Variants in EVA1C observed in about 807,000 individuals in gnomAD.
EVA1C encodes eva-1 homolog C, also known as protein eva-1 homolog C.
EVA1C carries 25 observed loss-of-function variants against 45.4 expected under a neutral mutation model. That is an observed-to-expected ratio of 0.55 (90% CI 0.40 to 0.77). EVA1C has a LOEUF of 0.77. Ranked by LOEUF, EVA1C falls within the 30% of genes least tolerant of loss-of-function variation. EVA1C has a pLI of 0.00. For synonymous variants in EVA1C, 190 were observed against 221.2 expected, an observed-to-expected ratio of 0.86 and a Z score of 1.25; for missense variants, 479 against 554.8, an observed-to-expected ratio of 0.86 and a Z score of 1.37.
At chr21:32,418,817 A>G (rs2034153043) in intron 1 of EVA1C, among the ~76,000 whole-genome samples, 1 of 152,134 alleles carries the variant, frequency 6.6e-6, no homozygotes, top group African/African-American at 2.4e-5. Flanking sequence ...CATTGCTGCC[A>G]TTTTGGTTAC....
In EVA1C at chr21:32,441,336, G is replaced by A. The variant is rs573781257; in HGVS notation, c.161-11976G>A. 1.5e-4 allele frequency among the ~76,000 whole-genome samples: 23 copies of A among 152,190 alleles called. No homozygotes were observed. In the South Asian group the frequency reaches 4.6e-3, roughly 30 times the overall value. On this transcript the variant is annotated intron_variant, in intron 1 of 7. Coordinates refer to ENST00000300255, the MANE Select transcript of EVA1C (RefSeq NM_058187.5). ...AGGTCTGACTGATGAGGCCACATTG[G>A]TACAAGAGGCTGAATGAAGGGAGGA...
At chr21:32,413,342 C>T (rs891244542) in intron 1 of EVA1C, among the ~76,000 whole-genome samples, 7 of 152,262 alleles carry the variant, frequency 4.6e-5, no homozygotes, top group African/African-American at 1.7e-4. Context: ...CTGTGCCGCG[C>T]CCAGCGCTGT....
intron 7 of EVA1C, among the ~76,000 whole-genome samples, chr21:32,509,971 T>A (rs2037892641): frequency 6.6e-6 from 1 of 150,992 alleles, no homozygotes. Context: ...AAGGGCCAGG[T>A]CATAGCCGGC....
chr21:32,504,240 A>AT (rs1314249515), intron 7 of EVA1C, among the ~76,000 whole-genome samples: 4 of 152,218 alleles, frequency 2.6e-5, no homozygotes, highest in African/African-American at 9.6e-5. Context: ...AAGTCACACT[A>AT]TTTAGGAGTT....
chr21:32,487,117 G>A (rs182258248), intron 4 of EVA1C, among the ~76,000 whole-genome samples: 5 of 152,288 alleles, frequency 3.3e-5, no homozygotes, highest in Admixed American at 2.0e-4. Flanking sequence ...TGAAAGGAAC[G>A]TCTTTTGTTA....
chr21:32,463,598 G>T (rs761357569), intron 3 of EVA1C, among the ~76,000 whole-genome samples: 1 of 152,124 alleles, frequency 6.6e-6, no homozygotes, highest in Non-Finnish European at 1.5e-5. Flanking sequence ...GGACGAAATC[G>T]CTGGAGGCCT....
chr21:32,462,496 G>A (rs970017600), intron 3 of EVA1C, among the ~76,000 whole-genome samples: 8 of 152,278 alleles, frequency 5.3e-5, no homozygotes, highest in South Asian at 2.1e-4. Context: ...TACTCCCATC[G>A]CGGCAGATCC....
chr21:32,412,573 G>A, upstream of EVA1C: 2 of 347,570 alleles, frequency 5.8e-6, no homozygotes, highest in East Asian at 9.1e-5. Flanking sequence ...GGCCCCCCTC[G>A]CTTCCTCCGG....
Position 32,491,403 on chromosome 21 carries a change from A to G in EVA1C, c.635-3624A>G, listed in dbSNP as rs569895102. 9.2e-5 allele frequency among the ~76,000 whole-genome samples: 14 copies of G among 152,024 alleles called. No homozygotes were observed. The South Asian group carries it at 2.1e-3, about 23-fold the overall frequency. On this transcript the variant is annotated intron_variant, in intron 4 of 7. Transcript: ENST00000300255. ...GAAGTGATGAGATTAGAAGGGGCAC[A>G]GTGGGCCGGGCACGGTGGCTCACGC... is the stretch of plus-strand genomic sequence containing the variant.
intron 5 of EVA1C, among the ~76,000 whole-genome samples, chr21:32,500,062 AG>A (rs1416962520): frequency 2.6e-5 from 4 of 152,140 alleles, no homozygotes; most frequent in Non-Finnish European, 5.9e-5. Flanking sequence ...GGAAACACAG[AG>A]GCAAAGAGCT....
chr21:32,412,748 G>GGCGGCAA lies in EVA1C; in HGVS notation c.-106_-105insGCGGCAA. On this transcript the variant is annotated 5_prime_UTR_variant, in exon 1 of 8. Coordinates refer to ENST00000300255, the MANE Select transcript of EVA1C (RefSeq NM_058187.5). ...CTGGGCAGGGAGGCGGCGGGGGGCC[G>GGCGGCAA]CGGAGCCGCTGGCCATCGATTCTCC... The GGCGGCAA allele has an allele frequency of 8.5e-7, 1 of 1,169,806 alleles. No homozygotes were observed. Among genetic ancestry groups the GGCGGCAA allele is most frequent in the Non-Finnish European group, 1.1e-6 (1 of 906,380 alleles). The allele number at this position is 1,169,806 out of a possible 1,614,324, so 72.5% of individuals were successfully genotyped here. A position where few individuals can be genotyped will look rare whatever the true frequency, so the allele number is the denominator to read the frequency against.
At chr21:32,462,993 G>A (rs1282363986) in intron 3 of EVA1C, among the ~76,000 whole-genome samples, 3 of 152,218 alleles carry the variant, frequency 2.0e-5, no homozygotes, top group Non-Finnish European at 2.9e-5. Context: ...ATTTCTGTGT[G>A]TGTGTCTTTA....
At chr21:32,507,551 T>TGTGC (rs2037769176) in intron 7 of EVA1C, among the ~76,000 whole-genome samples, 1 of 105,232 alleles carries the variant, frequency 9.5e-6, no homozygotes, top group South Asian at 3.0e-4. Flanking sequence ...CGTCTGTATG[T>TGTGC]ATGCGTGTTT....
At chr21:32,458,269 T>C (rs922918477) in intron 3 of EVA1C, among the ~76,000 whole-genome samples, 23 of 152,158 alleles carry the variant, frequency 1.5e-4, no homozygotes. Context: ...TTCTGATTCT[T>C]GTTGTTTTCT....
chr21:32,415,037 C>T (rs542617884), intron 1 of EVA1C, among the ~76,000 whole-genome samples: 7 of 152,164 alleles, frequency 4.6e-5, no homozygotes, highest in Admixed American at 2.0e-4. Flanking sequence ...GGATTTTAGC[C>T]GCCCTCCCTC....
At chr21:32,446,950 G>A (rs551124094) in intron 1 of EVA1C, among the ~76,000 whole-genome samples, 11 of 152,068 alleles carry the variant, frequency 7.2e-5, no homozygotes, top group Non-Finnish European at 1.5e-4. Flanking sequence ...GACCTTGCTG[G>A]TCCTCATTAG....
chr21:32,441,465 G>A (rs2035170448), intron 1 of EVA1C, among the ~76,000 whole-genome samples: 1 of 151,560 alleles, frequency 6.6e-6, no homozygotes, highest in East Asian at 2.0e-4. Context: ...GAAACAAGAA[G>A]GCACCGTGGC....
Position 32,412,743 on chromosome 21 carries a change from G to A in EVA1C, c.-111G>A, listed in dbSNP as rs1427969432. ...GCAGCCTGGGCAGGGAGGCGGCGGGGGGCCGCGGAGCCGCTGGCCATCGAT... is the reference window on the plus strand; with the variant it reads ...GCAGCCTGGGCAGGGAGGCGGCGGGAGGCCGCGGAGCCGCTGGCCATCGAT... On this transcript the variant is annotated 5_prime_UTR_variant, in exon 1 of 8. Coordinates refer to ENST00000300255, the MANE Select transcript of EVA1C (RefSeq NM_058187.5). 1 of 1,139,706 alleles carries A rather than the reference G, an allele frequency of 8.8e-7. No individual in the cohort carries two copies. The highest frequency in any genetic ancestry group is 1.1e-6 in the Non-Finnish European group (1 of 879,258). 70.6% of individuals were successfully genotyped at this position (1,139,706 alleles called of 1,614,324 possible).
At chr21:32,427,990 T>G (rs1185896371) in intron 1 of EVA1C, among the ~76,000 whole-genome samples, 1 of 152,026 alleles carries the variant, frequency 6.6e-6, no homozygotes, top group Non-Finnish European at 1.5e-5. Context: ...TTATGTAGAG[T>G]GCACAGTTTG....
Sources: gnomAD v4.1 joint callset for allele counts (sites outside exome capture counted in the v4.1 genomes callset) on GRCh38, gnomAD v4.1.1 for gene constraint, MANE v1.5 for transcripts, NCBI Gene and HGNC (gene_info 2026-07-23, HGNC 2026-07-21) for gene names.